Variants in WDR17 observed in about 807,000 individuals in gnomAD.
WDR17 encodes the protein WD repeat domain 17, also known as WD repeat-containing protein 17.
Under a neutral mutation model 161.7 loss-of-function variants are expected in WDR17, and 143 were observed. That is an observed-to-expected ratio of 0.88 (90% CI 0.77 to 1.02). The LOEUF is 1.02. Ranked by LOEUF, WDR17 falls within the 50% of genes least tolerant of loss-of-function variation. WDR17 has a pLI of 0.00. For missense variants in WDR17, 1,469 were observed against 1,520.9 expected (o/e 0.97, Z 0.57); for synonymous variants, 517 against 515.6 (o/e 1.00, Z -0.04).
chr4:176,160,258 G>A, intron 19 of WDR17, 132 bp downstream of exon 19: 1 of 984,996 alleles, frequency 1.0e-6, no homozygotes, highest in South Asian at 2.8e-5. Context: ...CCTCCTCCCT[G>A]GCCTTCTTTC....
chr4:176,068,222 G>A (rs1008734173), intron 1 of WDR17: 1 of 152,114 alleles, frequency 6.6e-6, no homozygotes, highest in Non-Finnish European at 1.5e-5. Context: ...TTGAACAGAT[G>A]GAAATATTAA....
chr4:176,111,538 G>T, intron 1 of WDR17, 37 bp from the exon 2 acceptor site: 1 of 1,591,270 alleles, frequency 6.3e-7, no homozygotes, highest in South Asian at 1.1e-5. Context: ...TATCAATAAT[G>T]GAAATCACTG....
intron 1 of WDR17, among the ~76,000 whole-genome samples, chr4:176,068,599 C>CA (rs937359416): frequency 6.6e-6 from 1 of 151,160 alleles, no homozygotes; most frequent in Admixed American, 6.6e-5. Flanking sequence ...AAGACAACGT[C>CA]AAAAAAATTA....
chr4:176,136,693 A>G (rs1262210473), intron 8 of WDR17, among the ~76,000 whole-genome samples: 2 of 151,452 alleles, frequency 1.3e-5, no homozygotes, highest in East Asian at 1.9e-4. Context: ...TTTCCTCTGT[A>G]TCTTAGTGTA....
chr4:176,168,577 G>T, intron 22 of WDR17, 95 bp from the exon 23 acceptor site: 1 of 1,414,800 alleles, frequency 7.1e-7, no homozygotes, highest in East Asian at 2.3e-5. Flanking sequence ...AAGCAAGAGT[G>T]GTATATTATA....
chr4:176,172,005 C>G (rs1579262060), intron 23 of WDR17, among the ~76,000 whole-genome samples: 1 of 151,970 alleles, frequency 6.6e-6, no homozygotes, highest in Non-Finnish European at 1.5e-5. Flanking sequence ...CATTTAATGT[C>G]GTTTTTGCGC....
intron 7 of WDR17, 68 bp from the exon 8 acceptor site, chr4:176,135,040 T>G: frequency 6.7e-7 from 1 of 1,481,590 alleles, no homozygotes; most frequent in Non-Finnish European, 9.3e-7. Flanking sequence ...TGAGTAAACA[T>G]TGTGGTTCAT....
At chr4:176,167,487 A>T (rs549307772) in intron 22 of WDR17, among the ~76,000 whole-genome samples, 2,858 of 150,852 alleles carry the variant, frequency 0.019, 39 homozygotes, top group Non-Finnish European at 0.032. Context: ...TCTACTAAAA[A>T]TACAAAAAAT....
Position 176,115,853 on chromosome 4 carries a change from AC to A in WDR17, c.182del (p.Thr61LysfsTer23), listed in dbSNP as rs1740535843. On this transcript the variant is annotated frameshift_variant, in exon 3 of 29. Coordinates refer to ENST00000508596, the MANE Select transcript of WDR17 (RefSeq NM_181265.4). LOFTEE classifies it high-confidence loss of function. ...CGCAATTATGTCTGAACATAAAAAAACAATCACAGCAATTTCTTGGTGTCCA... is the reference window on the plus strand; with the variant it reads ...CGCAATTATGTCTGAACATAAAAAAAAATCACAGCAATTTCTTGGTGTCCA... Reference protein sequence around the residue: ...LHAIMSEHKKTITAISWCPHN... With the variant: ...LHAIMSEHKKXITAISWCPHN... The A allele has an allele frequency of 6.2e-7, 1 of 1,611,676 alleles. No homozygotes were observed. The highest frequency in any genetic ancestry group is 8.5e-7 in the Non-Finnish European group (1 of 1,178,498).
chr4:176,074,461 C>A (rs2126561757), intron 1 of WDR17, among the ~76,000 whole-genome samples: 1 of 151,594 alleles, frequency 6.6e-6, no homozygotes, highest in East Asian at 1.9e-4. Context: ...TTGCTAATTT[C>A]CTTTTTTTAA....
rs34586919 is a variant in WDR17 at position 176,179,576 on chromosome 4, C to T, written c.3849C>T (p.Phe1283=). Residue 1283 remains phenylalanine, a synonymous_variant, in exon 29 of 29, where the codon TTC becomes TTT. Transcript: ENST00000508596. The stretch of plus-strand genomic sequence containing the variant: ...GGACTGGAATACGACTCAATCCATT[C>T]TGATAGAAGATTTTTGTCCATGCTT... ...PLGTGIRLNP[F] is the part of the protein sequence containing the mutation. 6.5e-7 allele frequency: 1 copy of T among 1,547,980 alleles called. No homozygotes were observed. Among genetic ancestry groups the T allele is most frequent in the Admixed American group, 1.9e-5 (1 of 52,112 alleles).
At chr4:176,163,616 G>A (rs530859730) in intron 22 of WDR17, among the ~76,000 whole-genome samples, 5 of 151,840 alleles carry the variant, frequency 3.3e-5, no homozygotes, top group African/African-American at 1.2e-4. Context: ...TTAAAATTCC[G>A]CATATCTACA....
At chr4:176,101,331 A>G (rs1737795399) in intron 1 of WDR17, among the ~76,000 whole-genome samples, 1 of 152,098 alleles carries the variant, frequency 6.6e-6, no homozygotes, top group South Asian at 2.1e-4. Flanking sequence ...CTACCCCCAT[A>G]TCTTACCACT....
Position 176,125,195 on chromosome 4 carries a change from A to G in WDR17, c.630A>G (p.Leu210=). ...TTACGGCCTTGGAATGGGACCCACTATCTACTGATTATCTTCTAGTGGTTA... is the reference window on the plus strand; with the variant it reads ...TTACGGCCTTGGAATGGGACCCACTGTCTACTGATTATCTTCTAGTGGTTA... The part of the protein sequence containing the change: ...DPVTALEWDP[L]STDYLLVVNL... The change falls in exon 5 of 29, where the codon CTA becomes CTG. Residue 210 remains leucine, a synonymous_variant. Transcript: ENST00000508596. 1 of 1,614,162 alleles carries G rather than the reference A, an allele frequency of 6.2e-7. No individual in the cohort carries two copies. Among genetic ancestry groups the G allele is most frequent in the South Asian group, 1.1e-5 (1 of 91,084 alleles).
intron 1 of WDR17, 29 bp from the exon 2 acceptor site, chr4:176,111,546 C>G: frequency 6.3e-7 from 1 of 1,596,072 alleles, no homozygotes; most frequent in Admixed American, 1.7e-5. Context: ...ATGGAAATCA[C>G]TGACATTTCT....
At chr4:176,077,196 G>A (rs2126576243) in intron 1 of WDR17, among the ~76,000 whole-genome samples, 1 of 128,218 alleles carries the variant, frequency 7.8e-6, no homozygotes, top group Non-Finnish European at 1.5e-5. Context: ...AAGAGCTGTA[G>A]TCACTGAGTA....
chr4:176,100,552 A>T (rs1737655581), intron 1 of WDR17, among the ~76,000 whole-genome samples: 1 of 151,860 alleles, frequency 6.6e-6, no homozygotes, highest in South Asian at 2.1e-4. Context: ...CTCTCTGTTG[A>T]TTATTTCTTT....
chr4:176,167,596 G>A (rs1245447808), intron 22 of WDR17, among the ~76,000 whole-genome samples: 1 of 121,640 alleles, frequency 8.2e-6, no homozygotes, highest in Non-Finnish European at 1.6e-5. Context: ...GCAGTGAGCC[G>A]AGATTGCGCC....
intron 1 of WDR17, among the ~76,000 whole-genome samples, chr4:176,099,684 A>G (rs1737491315): frequency 6.6e-6 from 1 of 152,126 alleles, no homozygotes; most frequent in Non-Finnish European, 1.5e-5. Context: ...TAGGGTATCC[A>G]TCACCTGAAT....
Sources: allele counts gnomAD v4.1 joint callset (sites outside exome capture counted in the v4.1 genomes callset), GRCh38; gene constraint gnomAD v4.1.1; transcripts MANE v1.5; gene names NCBI Gene and HGNC (gene_info 2026-07-23, HGNC 2026-07-21).